Variants in REL observed in about 807,000 individuals in gnomAD.
REL encodes proto-oncogene c-Rel.
A neutral mutation model predicts 45.9 loss-of-function variants in REL; 15 were observed. The ratio of observed to expected loss-of-function variants is 0.33; its 90% CI spans 0.22 to 0.50. The LOEUF (loss-of-function observed/expected upper bound fraction) is 0.50. Among genes scored for constraint, REL ranks in the 20% least tolerant of loss-of-function variants. The pLI is 0.98. For missense variants in REL, 601 were observed against 715.2 expected, an observed-to-expected ratio of 0.84 and a Z score of 1.82; for synonymous variants, 239 against 242.1, an observed-to-expected ratio of 0.99 and a Z score of 0.12.
chr2:60,905,715 C>T (rs1346268828), intron 4 of REL, among the ~76,000 whole-genome samples: 2 of 151,918 alleles, frequency 1.3e-5, no homozygotes, highest in Non-Finnish European at 2.9e-5. Context: ...ATTAAAAAGC[C>T]TTAGAGCAGG....
chr2:60,908,461 A>G (rs1358780024), intron 4 of REL, among the ~76,000 whole-genome samples: 1 of 152,244 alleles, frequency 6.6e-6, no homozygotes, highest in Non-Finnish European at 1.5e-5. Context: ...CAAGTAAAGG[A>G]TTATTCAAAT....
In REL at chr2:60,921,778, C is replaced by T. The variant is rs754816083; in HGVS notation, c.1007C>T (p.Ser336Phe). ...RYFKKEPNLFSHDAVVREMPT... is the reference protein window; with the variant it reads ...RYFKKEPNLFFHDAVVREMPT... ...CCTCCCACAGAACCAAACTTGTTTT[C>T]TCATGATGCAGTTGTGAGAGAAATG... Residue 336 changes from serine to phenylalanine, a missense_variant, in exon 10 of 10, where the codon TCT becomes TTT. This residue lies in a region of REL where 334 missense variants were observed against 333.1 expected (regional missense o/e 1.00). Transcript: ENST00000394479. 5 of 1,598,032 alleles carry T rather than the reference C, an allele frequency of 3.1e-6. No homozygotes were observed. In the Admixed American group the frequency reaches 8.5e-5, roughly 27 times the overall value.
rs1169081728 is a variant in REL, at chr2:60,922,659, ATAC to A, written c.*126_*128del. On this transcript the variant is annotated 3_prime_UTR_variant, in exon 10 of 10. Coordinates refer to ENST00000394479, the MANE Select transcript of REL (RefSeq NM_001291746.2). ...ATATATAATACTGACTGAGAATATA[ATAC>A]TGTATTTGAGAATATAAAAAACTTT... is the stretch of plus-strand genomic sequence containing the variant. The A allele has an allele frequency of 7.4e-7, 1 of 1,343,368 alleles. No individual in the cohort carries two copies. Among genetic ancestry groups the A allele is most frequent in the Non-Finnish European group, 9.6e-7 (1 of 1,046,170 alleles). 83.2% of individuals were successfully genotyped at this position (1,343,368 alleles called of 1,614,324 possible).
intron 7 of REL, 87 bp from the exon 8 acceptor site, chr2:60,919,954 C>A: frequency 2.4e-6 from 2 of 819,260 alleles, no homozygotes; most frequent in Non-Finnish European, 4.0e-6. Flanking sequence ...AAAACATTTT[C>A]TATATGTGAA....
chr2:60,882,993 C>G (rs560455068), intron 1 of REL, among the ~76,000 whole-genome samples: 2 of 151,224 alleles, frequency 1.3e-5, no homozygotes, highest in Admixed American at 6.6e-5. Context: ...TTGAGGGGGA[C>G]GGGAGAGCCG....
At chr2:60,885,115 G>T (rs779852663) in intron 1 of REL, among the ~76,000 whole-genome samples, 1 of 152,168 alleles carries the variant, frequency 6.6e-6, no homozygotes, top group African/African-American at 2.4e-5. Context: ...GCCAGACAAT[G>T]AATCATAATT....
Position 60,892,720 on chromosome 2 carries a change from G to A in REL, c.153+895G>A, listed in dbSNP as rs575931927. On this transcript the variant is annotated intron_variant, in intron 2 of 9. Transcript: ENST00000394479. Reference sequence around the variant, plus strand: ...GCTGGGATTATAGGCGTGAGCCACTGCGTCCAGCCAAGATGTACTAAATTT... The same window carrying A: ...GCTGGGATTATAGGCGTGAGCCACTACGTCCAGCCAAGATGTACTAAATTT... Among the ~76,000 whole-genome samples the A allele has an allele frequency of 6.6e-5, 10 of 151,776 alleles. No homozygotes were observed. The East Asian group carries it at 2.0e-3, about 30-fold the overall frequency.
intron 1 of REL, among the ~76,000 whole-genome samples, chr2:60,890,858 T>C (rs1375124807): frequency 1.3e-5 from 2 of 152,214 alleles, no homozygotes; most frequent in African/African-American, 4.8e-5. Flanking sequence ...TATATTACTT[T>C]ACATATCCTA....
intron 4 of REL, among the ~76,000 whole-genome samples, chr2:60,903,003 G>A (rs1024883065): frequency 3.9e-5 from 6 of 152,186 alleles, no homozygotes; most frequent in African/African-American, 9.7e-5. Flanking sequence ...ATTTTTGGAA[G>A]TGGAAAATTT....
Position 60,928,829 on chromosome 2 carries a change from C to G in REL, c.*6294C>G, listed in dbSNP as rs1674326183. On this transcript the variant is annotated 3_prime_UTR_variant, in exon 10 of 10. Coordinates refer to ENST00000394479, the MANE Select transcript of REL (RefSeq NM_001291746.2). ...AAAAGCCAAAATTGACAAATGGGAT[C>G]TAATTAAACTAAAGAGCTGCTGCAC... 1 of 149,492 alleles carries G rather than the reference C, an allele frequency of 6.7e-6. No individual in the cohort carries two copies. The highest frequency in any genetic ancestry group is 1.5e-5 in the Non-Finnish European group (1 of 66,848). The allele number at this position is 149,492 out of a possible 1,614,324, so 9.3% of individuals were successfully genotyped here.
chr2:60,916,994 T>C lies in REL; in HGVS notation c.512T>C (p.Val171Ala). 1 of 1,613,132 alleles carries C rather than the reference T, an allele frequency of 6.2e-7. No individual in the cohort carries two copies. Among genetic ancestry groups the C allele is most frequent in the Non-Finnish European group, 8.5e-7 (1 of 1,179,524 alleles). The change falls in exon 5 of 10, where the codon GTC becomes GCC. Residue 171 changes from valine (V) to alanine (A), a missense_variant. Val to Ala is a moderately conservative substitution (Grantham distance 64, BLOSUM62 0). Transcript: ENST00000394479. ...GNLTTALPPVVSNPIYDNRAP... is the reference protein window; with the variant it reads ...GNLTTALPPVASNPIYDNRAP... ...TTGACGACTGCTCTTCCTCCTGTTGTCTCGAACCCAATTTATGACAACCGT... is the reference window on the plus strand; with the variant it reads ...TTGACGACTGCTCTTCCTCCTGTTGCCTCGAACCCAATTTATGACAACCGT...
In REL at chr2:60,925,885, A is replaced by G. The variant is rs1389454094; in HGVS notation, c.*3350A>G. The G allele has an allele frequency of 1.3e-5, 3 of 223,150 alleles. No homozygotes were observed. Among genetic ancestry groups the G allele is most frequent in the East Asian group, 6.5e-5 (1 of 15,406 alleles). 13.8% of individuals were successfully genotyped at this position (223,150 alleles called of 1,614,324 possible). A position where few individuals can be genotyped will look rare whatever the true frequency, so the allele number is the denominator to read the frequency against. On this transcript the variant is annotated 3_prime_UTR_variant, in exon 10 of 10. Coordinates refer to ENST00000394479, the MANE Select transcript of REL (RefSeq NM_001291746.2). ...TCTGTGTTTAGAATATTTTTTTAAA[A>G]CTAAATAAGTGTTGGCTAGTTTTGC...
chr2:60,904,405 TAAAA>T (rs34507093), intron 4 of REL, among the ~76,000 whole-genome samples: 1 of 127,316 alleles, frequency 7.9e-6, no homozygotes, highest in East Asian at 2.3e-4. Flanking sequence ...CTGTCTCAAT[TAAAA>T]AAAAAAAAAA....
In REL at chr2:60,881,755, TC is replaced by T; in HGVS notation, c.-83del. On this transcript the variant is annotated 5_prime_UTR_variant, in exon 1 of 10. Transcript: ENST00000394479. ...GGACTGGGGGCCCCGCCGGCAGAGG[TC>T]CCTCGGCCTCCTGACTGACTGACTG... The T allele has an allele frequency of 8.0e-7, 1 of 1,250,086 alleles. No homozygotes were observed. The allele number at this position is 1,250,086 out of a possible 1,614,324, so 77.4% of individuals were successfully genotyped here.
At chr2:60,884,963 T>A (rs1673035965) in intron 1 of REL, among the ~76,000 whole-genome samples, 1 of 152,142 alleles carries the variant, frequency 6.6e-6, no homozygotes, top group African/African-American at 2.4e-5. Flanking sequence ...CTTCTTTTTT[T>A]AAGTAAAATG....
In REL at chr2:60,926,969, C is replaced by T. The variant is rs1007370001; in HGVS notation, c.*4434C>T. 4 of 227,440 alleles carry T rather than the reference C, an allele frequency of 1.8e-5. No individual in the cohort carries two copies. Among genetic ancestry groups the T allele is most frequent in the Non-Finnish European group, 2.6e-5 (3 of 114,328 alleles). 14.1% of individuals were successfully genotyped at this position (227,440 alleles called of 1,614,324 possible). ...TTGAAAAAAAACAATTCTCTCAGGC[C>T]TCCATACCTTTAGCATGTTACCCAC... is the stretch of plus-strand genomic sequence containing the variant. On this transcript the variant is annotated 3_prime_UTR_variant, in exon 10 of 10. Transcript: ENST00000394479.
At chr2:60,920,425 T>A in intron 8 of REL, 149 bp from the exon 9 acceptor site, 1 of 694,682 alleles carries the variant, frequency 1.4e-6, no homozygotes, top group East Asian at 2.7e-5. Context: ...GGTCTTGAAC[T>A]CCTGACATCA....
At position 60,922,578 on chromosome 2, in the gene REL, T is replaced by A. The variant is rs1054025398; in HGVS notation, c.*43T>A. The A allele has an allele frequency of 6.6e-7, 1 of 1,512,178 alleles. No individual in the cohort carries two copies. The highest frequency in any genetic ancestry group is 8.8e-7 in the Non-Finnish European group (1 of 1,130,544). 93.7% of individuals were successfully genotyped at this position (1,512,178 alleles called of 1,614,324 possible). On this transcript the variant is annotated 3_prime_UTR_variant, in exon 10 of 10. Coordinates refer to ENST00000394479, the MANE Select transcript of REL (RefSeq NM_001291746.2). ...CTTTTAAATCTTGATACCACCTATA[T>A]AGATGCAGCATTTTGTATTTGTCTA... is the stretch of plus-strand genomic sequence containing the variant.
rs1674214505 is a variant in REL, at chr2:60,924,186, C to G, written c.*1651C>G. ...GGTCGTCCTTGAATATATACATCAG[C>G]ATTCCCTTTCCCCCCTGCTTTATGT... On this transcript the variant is annotated 3_prime_UTR_variant, in exon 10 of 10. Coordinates refer to ENST00000394479, the MANE Select transcript of REL (RefSeq NM_001291746.2). 1 of 230,366 alleles carries G rather than the reference C, an allele frequency of 4.3e-6. No individual in the cohort carries two copies. Among genetic ancestry groups the G allele is most frequent in the Non-Finnish European group, 8.6e-6 (1 of 116,300 alleles). The allele number at this position is 230,366 out of a possible 1,614,324, so 14.3% of individuals were successfully genotyped here.
Sources: allele counts gnomAD v4.1 joint callset (sites outside exome capture counted in the v4.1 genomes callset), GRCh38; gene constraint gnomAD v4.1.1; regional missense constraint gnomAD v4.1.1; transcripts MANE v1.5; gene names NCBI Gene and HGNC (gene_info 2026-07-23, HGNC 2026-07-21).